The following RABEPK variants were observed in gnomAD, a reference collection of about 807,000 sequenced individuals.
RABEPK encodes Rab9 effector protein with kelch motifs, also known as 40 kDa Rab9 effector protein.
RABEPK carries 27 observed loss-of-function variants against 34.1 expected under a neutral mutation model. The observed-to-expected ratio is 0.79, with a 90% CI of 0.58 to 1.09. The LOEUF (loss-of-function observed/expected upper bound fraction) is 1.09, where lower values mean the gene tolerates loss of function less well. Among genes scored for constraint, RABEPK ranks in the 50% least tolerant of loss-of-function variants. The pLI is 0.00. For missense variants in RABEPK, 449 were observed against 462.6 expected (o/e 0.97, Z 0.27); for synonymous variants, 172 against 169.2 (o/e 1.02, Z -0.13).
chr9:125,221,313 A>G (rs1432166664), intron 5 of RABEPK: 1 of 152,010 alleles, frequency 6.6e-6, no homozygotes, highest in Non-Finnish European at 1.5e-5. Context: ...CCTGGCCATC[A>G]TGGCAAAACC....
chr9:125,229,428 C>G (rs1243842586), intron 6 of RABEPK, among the ~76,000 whole-genome samples: 3 of 152,072 alleles, frequency 2.0e-5, no homozygotes, highest in Non-Finnish European at 4.4e-5. Flanking sequence ...GAGACTCCGT[C>G]TCAAAGAAAA....
At chr9:125,215,249 A>C (rs902940537) in intron 4 of RABEPK, among the ~76,000 whole-genome samples, 37 of 150,408 alleles carry the variant, frequency 2.5e-4, no homozygotes, top group Non-Finnish European at 2.8e-4. Context: ...TTTGTTATTA[A>C]TAACAATGCT....
At chr9:125,233,532 C>T (rs1334617567) in intron 7 of RABEPK, among the ~76,000 whole-genome samples, 156 bp from the exon 8 acceptor site, 4 of 151,464 alleles carry the variant, frequency 2.6e-5, no homozygotes, top group East Asian at 1.9e-4. Context: ...TTGGTAGAGA[C>T]GGGGTTTCAC....
At chr9:125,228,911 C>A (rs35766073) in intron 6 of RABEPK, among the ~76,000 whole-genome samples, 9,661 of 147,896 alleles carry the variant, frequency 0.065, 383 homozygotes, top group East Asian at 0.16. Flanking sequence ...TGCAGTGAGC[C>A]GAGACCACAC....
chr9:125,234,111 T>C lies in RABEPK; in HGVS notation c.*131T>C. 1.1e-6 allele frequency: 1 copy of C among 948,270 alleles called. No homozygotes were observed. Among genetic ancestry groups the C allele is most frequent in the Non-Finnish European group, 1.6e-6 (1 of 625,676 alleles). The allele number at this position is 948,270 out of a possible 1,614,324, so 58.7% of individuals were successfully genotyped here. A position where few individuals can be genotyped will look rare whatever the true frequency, so the allele number is the denominator to read the frequency against. ...CTCCTACTTTGGTAGGTGAAGAAAC[T>C]AATGCAAATAATTCTTATGTGCACT... On this transcript the variant is annotated 3_prime_UTR_variant, in exon 8 of 8. Transcript: ENST00000373538.
intron 5 of RABEPK, chr9:125,220,930 G>C (rs940532665): frequency 2.1e-6 from 1 of 472,066 alleles, no homozygotes; most frequent in Non-Finnish European, 3.5e-6. Flanking sequence ...GCTTTGGAAG[G>C]CTGAGGCAGG....
At position 125,233,986 on chromosome 9, in the gene RABEPK, C is replaced by T. The variant is rs752461987; in HGVS notation, c.*6C>T. On this transcript the variant is annotated 3_prime_UTR_variant, in exon 8 of 8. Coordinates refer to ENST00000373538, the MANE Select transcript of RABEPK (RefSeq NM_005833.4). ...TTGTGACTGTAGTGGACTAATAAAACCCACATTTTTATTACCTGTCAGTTA... is the reference window on the plus strand; with the variant it reads ...TTGTGACTGTAGTGGACTAATAAAATCCACATTTTTATTACCTGTCAGTTA... 26 of 1,580,578 alleles carry T rather than the reference C, an allele frequency of 1.6e-5. No homozygotes were observed. Among genetic ancestry groups the T allele is most frequent in the Non-Finnish European group, 2.1e-5 (24 of 1,155,116 alleles).
chr9:125,234,124 T>G lies in RABEPK; in HGVS notation c.*144T>G. Reference sequence around the variant, plus strand: ...AGGTGAAGAAACTAATGCAAATAATTCTTATGTGCACTAAACCTTGCTATA... The same window carrying G: ...AGGTGAAGAAACTAATGCAAATAATGCTTATGTGCACTAAACCTTGCTATA... On this transcript the variant is annotated 3_prime_UTR_variant, in exon 8 of 8. Transcript: ENST00000373538. The G allele has an allele frequency of 1.2e-6, 1 of 868,174 alleles. No homozygotes were observed. Among genetic ancestry groups the G allele is most frequent in the Non-Finnish European group, 1.8e-6 (1 of 559,064 alleles). The allele number at this position is 868,174 out of a possible 1,614,324, so 53.8% of individuals were successfully genotyped here. A position where few individuals can be genotyped will look rare whatever the true frequency, so the allele number is the denominator to read the frequency against.
chr9:125,200,630 C>G lies in RABEPK; in HGVS notation c.-283C>G. 1 of 467,644 alleles carries G rather than the reference C, an allele frequency of 2.1e-6. No homozygotes were observed. The highest frequency in any genetic ancestry group is 1.6e-5 in the South Asian group (1 of 64,394). 29.0% of individuals were successfully genotyped at this position (467,644 alleles called of 1,614,324 possible). A position where few individuals can be genotyped will look rare whatever the true frequency, so the allele number is the denominator to read the frequency against. On this transcript the variant is annotated 5_prime_UTR_variant, in exon 1 of 8. Transcript: ENST00000373538. ...GGGCGAGGGTCCCCGGATACCGGGT[C>G]TATCACGGTCTCGGGCAGGGAGTCT...
chr9:125,232,301 A>C (rs1455991988), intron 6 of RABEPK, among the ~76,000 whole-genome samples: 1 of 151,910 alleles, frequency 6.6e-6, no homozygotes, highest in Non-Finnish European at 1.5e-5. Context: ...GTTAATAGTG[A>C]ATGGTTGAAG....
rs10986636 is a variant in RABEPK, at chr9:125,200,693, G to A, written c.-220G>A. 0.11 allele frequency: 54,032 copies of A among 471,186 alleles called. 3,686 individuals carry two copies. The highest frequency in any genetic ancestry group is 0.14 in the Non-Finnish European group (31,692 of 227,030). 29.2% of individuals were successfully genotyped at this position (471,186 alleles called of 1,614,324 possible). A position where few individuals can be genotyped will look rare whatever the true frequency, so the allele number is the denominator to read the frequency against. ...GGAGTGGGCCCAAGCCGGGTGCAAA[G>A]AACGGGGAAGGGCCTTCCCTGGCTC... On this transcript the variant is annotated 5_prime_UTR_variant, in exon 1 of 8. Transcript: ENST00000373538.
intron 5 of RABEPK, among the ~76,000 whole-genome samples, chr9:125,224,577 C>T (rs765908481): frequency 5.9e-5 from 9 of 151,732 alleles, no homozygotes; most frequent in East Asian, 1.9e-4. Context: ...CTCAGCCTCC[C>T]GAGTAGCTTG....
At position 125,233,623 on chromosome 9, in the gene RABEPK, T is replaced by C. The variant is rs546160845; in HGVS notation, c.827-65T>C. ...TCCCAAAGTGCTGGGATTACAGGCGTGAGCCACCGTGCCCGGCCTATCTGG... is the reference window on the plus strand; with the variant it reads ...TCCCAAAGTGCTGGGATTACAGGCGCGAGCCACCGTGCCCGGCCTATCTGG... On this transcript the variant is annotated intron_variant, in intron 7 of 7. Coordinates refer to ENST00000373538, the MANE Select transcript of RABEPK (RefSeq NM_005833.4). 5.2e-6 allele frequency: 8 copies of C among 1,528,886 alleles called. No individual in the cohort carries two copies. In the East Asian group the frequency reaches 1.6e-4, roughly 30 times the overall value. 94.7% of individuals were successfully genotyped at this position (1,528,886 alleles called of 1,614,324 possible). A position where few individuals can be genotyped will look rare whatever the true frequency, so the allele number is the denominator to read the frequency against.
chr9:125,201,020 G>T (rs1206098641), intron 1 of RABEPK, 114 bp downstream of exon 1: 7 of 360,630 alleles, frequency 1.9e-5, no homozygotes, highest in African/African-American at 4.3e-5. Flanking sequence ...GATCTGACAG[G>T]CCCAGCCCTC....
At position 125,200,556 on chromosome 9, in the gene RABEPK, C is replaced by G. The variant is rs1275495860; in HGVS notation, c.-357C>G. 2.6e-6 allele frequency: 1 copy of G among 388,430 alleles called. No homozygotes were observed. The highest frequency in any genetic ancestry group is 2.1e-5 in the African/African-American group (1 of 48,344). 24.1% of individuals were successfully genotyped at this position (388,430 alleles called of 1,614,324 possible). The stretch of plus-strand genomic sequence containing the variant: ...CCCTCCGGGGTGGAGTCACGGCTCG[C>G]GACTGGCCTAAGTCGCCGCAGGTAT... On this transcript the variant is annotated 5_prime_UTR_variant, in exon 1 of 8. Transcript: ENST00000373538.
At chr9:125,231,012 G>A (rs1171107954) in intron 6 of RABEPK, among the ~76,000 whole-genome samples, 1 of 151,958 alleles carries the variant, frequency 6.6e-6, no homozygotes, top group Non-Finnish European at 1.5e-5. Flanking sequence ...TTATTTAAAT[G>A]CTTGTTTTGG....
intron 6 of RABEPK, among the ~76,000 whole-genome samples, chr9:125,229,152 G>C (rs530676745): frequency 6.6e-6 from 1 of 152,038 alleles, no homozygotes; most frequent in Non-Finnish European, 1.5e-5. Flanking sequence ...TACTCGGGAG[G>C]CTGAGGCAGG....
intron 4 of RABEPK, among the ~76,000 whole-genome samples, chr9:125,218,177 G>A (rs542940542): frequency 2.3e-4 from 35 of 151,274 alleles, no homozygotes; most frequent in Admixed American, 7.3e-4. Context: ...AAAATTAGCC[G>A]GGCATGGTGG....
chr9:125,204,211 G>A (rs955249960), intron 2 of RABEPK, among the ~76,000 whole-genome samples: 1 of 151,892 alleles, frequency 6.6e-6, no homozygotes, highest in Non-Finnish European at 1.5e-5. Context: ...GCGGGCATCT[G>A]TAGTCCCAGC....
Sources: allele counts gnomAD v4.1 joint callset (sites outside exome capture counted in the v4.1 genomes callset), GRCh38; gene constraint gnomAD v4.1.1; transcripts MANE v1.5; gene names NCBI Gene and HGNC (gene_info 2026-07-23, HGNC 2026-07-21).